The following TTN variants were observed in gnomAD, a reference collection of about 807,000 sequenced individuals.
TTN encodes the protein connectin.
In TTN, 1,525 loss-of-function variants were observed where a neutral mutation model predicts 3,223.0. That is an observed-to-expected ratio of 0.47 (90% CI 0.45 to 0.49). The LOEUF (loss-of-function observed/expected upper bound fraction) is 0.49, where lower values mean the gene tolerates loss of function less well. Ranked by LOEUF, TTN falls within the 20% of genes least tolerant of loss-of-function variation. The pLI is 0.00. For synonymous variants in TTN, 14,094 were observed against 15,161.0 expected, an observed-to-expected ratio of 0.93 and a Z score of 5.17; for missense variants, 40,786 against 43,424.0, an observed-to-expected ratio of 0.94 and a Z score of 5.40.
Position 178,730,664 on chromosome 2 carries a change from G to A in TTN, c.17869C>T (p.Gln5957Ter). The change falls in exon 61 of 363, where the codon CAA becomes TAA. Residue 5957 changes from glutamine (Q) to a stop codon, truncating the protein, a stop_gained. Transcript: ENST00000589042. LOFTEE classifies it high-confidence loss of function. Reference protein sequence around the residue: ...PISIQWFKDDQEISASEKYKF... With the variant: ...PISIQWFKDD ...TACTTTTCACTAGCTGATATTTCTT[G>A]GTCATCTTTGAACCACTGGATGCTT... 1 of 1,613,586 alleles carries A rather than the reference G, an allele frequency of 6.2e-7. No individual in the cohort carries two copies. The highest frequency in any genetic ancestry group is 8.5e-7 in the Non-Finnish European group (1 of 1,179,692).
chr2:178,543,699 G>T, intron 346 of TTN, 37 bp from the exon 347 acceptor site: 1 of 1,529,956 alleles, frequency 6.5e-7, no homozygotes, highest in Non-Finnish European at 8.7e-7. Context: ...TTTCCTATTT[G>T]CCTGATAGCT....
At chr2:178,726,390 C>G (rs1480367954) in intron 69 of TTN, 1 of 176,796 alleles carries the variant, frequency 5.7e-6, no homozygotes, top group Non-Finnish European at 1.2e-5. Context: ...GTATGGAATT[C>G]TAATTTCAAG....
In TTN at chr2:178,803,651, A is replaced by T. The variant is rs534373636; in HGVS notation, c.91+901T>A. On this transcript the variant is annotated intron_variant, in intron 2 of 362. Coordinates refer to ENST00000589042, the MANE Select transcript of TTN (RefSeq NM_001267550.2). ...TCTTTATTATAAGCCATAAAATTTT[A>T]AAAAAGAAGTGGGCAATGAACCATG... Among the ~76,000 whole-genome samples, 311 of 152,176 alleles carry T rather than the reference A, an allele frequency of 2.0e-3. 7 individuals are homozygous for T. In the South Asian group the frequency reaches 0.025, roughly 12 times the overall value.
rs2061684310 is a variant in TTN at position 178,644,812 on chromosome 2, G to A, written c.40409-196C>T. ...GACTGCAGTTTTACTCCAAAGTTCAGTAGTTAATTAAAGACCAGCAGAAAA... is the reference window on the plus strand; with the variant it reads ...GACTGCAGTTTTACTCCAAAGTTCAATAGTTAATTAAAGACCAGCAGAAAA... On this transcript the variant is annotated intron_variant, in intron 217 of 362. Coordinates refer to ENST00000589042, the MANE Select transcript of TTN (RefSeq NM_001267550.2). 20 of 466,404 alleles carry A rather than the reference G, an allele frequency of 4.3e-5. No individual in the cohort carries two copies. In the East Asian group the frequency reaches 6.9e-4, roughly 16 times the overall value. 28.9% of individuals were successfully genotyped at this position (466,404 alleles called of 1,614,324 possible). A position where few individuals can be genotyped will look rare whatever the true frequency, so the allele number is the denominator to read the frequency against.
chr2:178,721,705 A>T, intron 78 of TTN, 142 bp downstream of exon 78: 2 of 797,812 alleles, frequency 2.5e-6, no homozygotes, highest in Non-Finnish European at 3.7e-6. Context: ...AACTTTGATT[A>T]ATGTTGCCTC....
At chr2:178,651,207 A>G in intron 208 of TTN, 36 bp downstream of exon 208, 1 of 1,554,520 alleles carries the variant, frequency 6.4e-7, no homozygotes, top group Non-Finnish European at 8.8e-7. Flanking sequence ...GACAAGGGTG[A>G]GTGCTTTTCT....
chr2:178,603,878 A>G lies in TTN; in HGVS notation c.54809T>C (p.Ile18270Thr), dbSNP rs768963302. The G allele has an allele frequency of 1.0e-5, 16 of 1,578,010 alleles. No homozygotes were observed. The highest frequency in any genetic ancestry group is 5.1e-5 in the Admixed American group (3 of 58,956). The change falls in exon 282 of 363, where the codon ATA becomes ACA. Residue 18270 changes from isoleucine (I) to threonine (T), a missense_variant and splice_region_variant. Physicochemically the swap from Ile to Thr is moderately conservative, Grantham distance 89. Coordinates refer to ENST00000589042, the MANE Select transcript of TTN (RefSeq NM_001267550.2). Reference sequence around the variant, plus strand: ...CCCAGAAACGGAAGCATACTTACATATGGGATCTCCTGCAACCTCTGGATC... The same window carrying G: ...CCCAGAAACGGAAGCATACTTACATGTGGGATCTCCTGCAACCTCTGGATC... Reference protein sequence around the residue: ...PSDPEVAGDPIFPPGPPSCPE... With the variant: ...PSDPEVAGDPTFPPGPPSCPE...
At chr2:178,746,845 A>T (rs746262098) in intron 47 of TTN, 1 of 1,613,496 alleles carries the variant, frequency 6.2e-7, no homozygotes, top group Non-Finnish European at 8.5e-7. Context: ...GAGGTTCAAT[A>T]AAAGATGGAG....
rs374466245 is a variant in TTN at position 178,588,587 on chromosome 2, A to G, written c.63138T>C (p.Ile21046=). 6.4e-7 allele frequency: 1 copy of G among 1,556,332 alleles called. No individual in the cohort carries two copies. Among genetic ancestry groups the G allele is most frequent in the Non-Finnish European group, 8.7e-7 (1 of 1,153,236 alleles). Reference sequence around the variant, plus strand: ...GTCTTGAAGGCAAGCTTGGTTCTCCAATTCCAATTTCATTTTCTGCCTTGA... The same window carrying G: ...GTCTTGAAGGCAAGCTTGGTTCTCCGATTCCAATTTCATTTTCTGCCTTGA... ...FRVKAENEIG[I]GEPSLPSRPV... The change falls in exon 304 of 363, where the codon ATT becomes ATC. Residue 21046 remains isoleucine (I), a synonymous_variant. Transcript: ENST00000589042.
chr2:178,759,931 A>C (rs2088592415), intron 43 of TTN, among the ~76,000 whole-genome samples: 1 of 152,224 alleles, frequency 6.6e-6, no homozygotes, highest in African/African-American at 2.4e-5. Flanking sequence ...AATTACAGTA[A>C]AGTAGCAGGT....
At position 178,632,173 on chromosome 2, in the gene TTN, C is replaced by T; in HGVS notation, c.43721G>A (p.Ser14574Asn). ...AAGCACAGTGAGTTTAGCTTCTGAA[C>T]TCATCCCCATAGCTTCTACTCTAAT... ...SQIRVEAMGM[S>N]SEAKLTVLEG... Residue 14574 changes from serine (S) to asparagine (N), a missense_variant, in exon 236 of 363, where the codon AGT (serine) becomes AAT (asparagine). Transcript: ENST00000589042. 6.2e-7 allele frequency: 1 copy of T among 1,607,356 alleles called. No individual in the cohort carries two copies. Among genetic ancestry groups the T allele is most frequent in the Non-Finnish European group, 8.5e-7 (1 of 1,176,630 alleles).
rs149127072 is a variant in TTN, at chr2:178,567,985, T to C, written c.78147A>G (p.Gln26049=). 1.4e-4 allele frequency: 218 copies of C among 1,613,512 alleles called. No individual in the cohort carries two copies. The African/African-American group carries it at 1.7e-3, about 12-fold the overall frequency. ...KVNKTIIHDT[Q]FKAQNLEEGI... ...CTTCTTCAAGATTCTGTGCTTTGAA[T>C]TGGGTGTCATGAATAATAGTTTTGT... Residue 26049 remains glutamine (Q), a synonymous_variant, in exon 326 of 363, where the codon CAA becomes CAG. Transcript: ENST00000589042.
At chr2:178,579,513 T>C (rs1179835168) in intron 319 of TTN, 48 bp downstream of exon 319, 2 of 1,601,108 alleles carry the variant, frequency 1.2e-6, no homozygotes, top group Non-Finnish European at 8.5e-7. Flanking sequence ...AAGAGTGCAC[T>C]TTCGATGACA....
chr2:178,550,674 TTC>T (rs1699065429), intron 336 of TTN: 2 of 440,738 alleles, frequency 4.5e-6, no homozygotes, highest in East Asian at 9.4e-5. Context: ...TGGACACTTA[TTC>T]TCGAGAACCT....
Position 178,556,975 on chromosome 2 carries a change from A to T in TTN, c.88179T>A (p.Thr29393=). ...GAGTCAAGCCAGAGATGATGAATTG[A>T]GTTTCAGTAACATTGGTGAAGCTGG... ...TKASFTNVTE[T]QFIISGLTQN... Residue 29393 remains threonine, a synonymous_variant, in exon 330 of 363, where the codon ACT becomes ACA. Coordinates refer to ENST00000589042, the MANE Select transcript of TTN (RefSeq NM_001267550.2). 1 of 1,613,828 alleles carries T rather than the reference A, an allele frequency of 6.2e-7. No individual in the cohort carries two copies. Among genetic ancestry groups the T allele is most frequent in the Non-Finnish European group, 8.5e-7 (1 of 1,179,834 alleles).
intron 47 of TTN, chr2:178,747,000 G>T: frequency 6.2e-7 from 1 of 1,613,376 alleles, no homozygotes; most frequent in Non-Finnish European, 8.5e-7. Context: ...ATTTTTGATG[G>T]ATATGTTTTA....
chr2:178,545,790 G>T, intron 343 of TTN, 30 bp downstream of exon 343: 1 of 1,604,020 alleles, frequency 6.2e-7, no homozygotes, highest in African/African-American at 1.3e-5. Flanking sequence ...CATTTCAACT[G>T]TCAAATTATT....
Position 178,751,892 on chromosome 2 carries a change from TTAAAATA to T in TTN, c.11311+1225_11311+1231del. On this transcript the variant is annotated intron_variant, in intron 47 of 362. Transcript: ENST00000589042. ...TGTAAGTTTCTGGGTAAAAGAAGGC[TTAAAATA>T]TTCAGGCCAGGAGCTTGTAGATGAT... The T allele has an allele frequency of 1.9e-6, 3 of 1,603,582 alleles. No individual in the cohort carries two copies. The South Asian group carries it at 3.4e-5, about 18-fold the overall frequency.
rs1057520724 is a variant in TTN at position 178,607,930 on chromosome 2, G to A, written c.52857C>T (p.Cys17619=). The A allele has an allele frequency of 6.2e-6, 10 of 1,612,934 alleles. No individual in the cohort carries two copies. The highest frequency in any genetic ancestry group is 8.5e-6 in the Non-Finnish European group (10 of 1,179,278). ...QLVGTNEWSR[C]TEKMIKVRQY... Reference sequence around the variant, plus strand: ...GACGGACCTTGATCATCTTCTCTGTGCAGCGTGACCATTCATTTGTGCCAA... The same window carrying A: ...GACGGACCTTGATCATCTTCTCTGTACAGCGTGACCATTCATTTGTGCCAA... The change falls in exon 276 of 363, where the codon TGC becomes TGT. Residue 17619 remains cysteine, a synonymous_variant. Transcript: ENST00000589042.
Sources: gnomAD v4.1 joint callset for allele counts (sites outside exome capture counted in the v4.1 genomes callset) on GRCh38, gnomAD v4.1.1 for gene constraint, MANE v1.5 for transcripts, NCBI Gene and HGNC (gene_info 2026-07-23, HGNC 2026-07-21) for gene names.